WDR64: variants seen among roughly 807,000 people sequenced by gnomAD.
WDR64 encodes the protein WD repeat-containing protein 64.
WDR64 carries 112 observed loss-of-function variants against 139.3 expected under a neutral mutation model. The observed-to-expected ratio is 0.80, with a 90% CI of 0.69 to 0.94. The LOEUF (loss-of-function observed/expected upper bound fraction) is 0.94. Among genes scored for constraint, WDR64 ranks in the 40% least tolerant of loss-of-function variants. The pLI, the probability that WDR64 is intolerant of heterozygous loss-of-function variation, is 0.00. For missense variants in WDR64, 1,206 were observed against 1,293.1 expected (o/e 0.93, Z 1.03); for synonymous variants, 444 against 437.7 (o/e 1.01, Z -0.18).
chr1:241,799,724 TAATTC>T (rs889623017), intron 27 of WDR64, among the ~76,000 whole-genome samples: 3 of 152,142 alleles, frequency 2.0e-5, no homozygotes, highest in Non-Finnish European at 4.4e-5. Context: ...CAATGCGGTA[TAATTC>T]AGTGATGGGT....
chr1:241,653,543 C>CTTTTTTTTTTTT (rs33934176), intron 1 of WDR64, among the ~76,000 whole-genome samples: 1 of 137,114 alleles, frequency 7.3e-6, no homozygotes, highest in Admixed American at 7.4e-5. Context: ...CTTTTCTTTT[C>CTTTTTTTTTTTT]TTTTTTTTTT....
Position 241,787,858 on chromosome 1 carries a change from T to G in WDR64, c.2715T>G (p.His905Gln), listed in dbSNP as rs1280597307. Residue 905 changes from histidine to glutamine, a missense_variant, in exon 24 of 28, where the codon CAT becomes CAG. Physicochemically the swap from His to Gln is conservative, Grantham distance 24. Transcript: ENST00000437684. ...CTTTTCCTTCCCTCAGGCTCTGGCA[T>G]GCCCTCAATGGACATTATTGTGGAT... is the stretch of plus-strand genomic sequence containing the variant. ...ASIDGSVRLWHALNGHYCGYF... is the reference protein window; with the variant it reads ...ASIDGSVRLWQALNGHYCGYF... 2 of 1,580,964 alleles carry G rather than the reference T, an allele frequency of 1.3e-6. No individual in the cohort carries two copies. The highest frequency in any genetic ancestry group is 4.5e-5 in the East Asian group (2 of 43,966).
intron 8 of WDR64, among the ~76,000 whole-genome samples, chr1:241,707,035 A>T (rs1396198575): frequency 6.6e-6 from 1 of 151,718 alleles, no homozygotes; most frequent in Non-Finnish European, 1.5e-5. Context: ...CCCCCTTTTC[A>T]CAGGCATGCA....
Position 241,652,840 on chromosome 1 carries a change from T to TGTTTTG in WDR64, c.145+211_145+212insGTTTTG, listed in dbSNP as rs1028167506. Reference sequence around the variant, plus strand: ...TTTGTTTTGTTTTTGTTTTTGTTTTTTTTTTTTACTTCTCTGAACCGAAGT... The same window carrying TGTTTTG: ...TTTGTTTTGTTTTTGTTTTTGTTTTTGTTTTGTTTTTTTACTTCTCTGAACCGAAGT... On this transcript the variant is annotated intron_variant, in intron 1 of 27. Coordinates refer to ENST00000437684, the MANE Select transcript of WDR64 (RefSeq NM_001367482.1). 2.6e-5 allele frequency among the ~76,000 whole-genome samples: 4 copies of TGTTTTG among 152,110 alleles called. 1 individual carries two copies. The highest frequency in any genetic ancestry group is 9.7e-5 in the African/African-American group (4 of 41,356).
intron 3 of WDR64, 113 bp downstream of exon 3, chr1:241,671,289 C>CCTG: frequency 1.3e-6 from 1 of 747,900 alleles, no homozygotes; most frequent in South Asian, 2.0e-5. Context: ...TTGTTCAATA[C>CCTG]TTTATCACTA....
At chr1:241,665,798 C>G (rs890890948) in intron 2 of WDR64, among the ~76,000 whole-genome samples, 1 of 152,138 alleles carries the variant, frequency 6.6e-6, no homozygotes, top group African/African-American at 2.4e-5. Context: ...AACTTATAAA[C>G]ACATTTTTTT....
intron 4 of WDR64, chr1:241,677,236 A>C (rs1209967899): frequency 2.5e-6 from 1 of 397,574 alleles, no homozygotes; most frequent in East Asian, 3.6e-5. Context: ...TAAACAGGTG[A>C]CTTCCATTAA....
intron 8 of WDR64, among the ~76,000 whole-genome samples, chr1:241,690,940 A>T (rs1667237894): frequency 6.6e-6 from 1 of 152,198 alleles, no homozygotes; most frequent in African/African-American, 2.4e-5. Context: ...ATACACATAT[A>T]AACATATATG....
At chr1:241,679,831 G>A (rs1261785202) in intron 6 of WDR64, among the ~76,000 whole-genome samples, 2 of 151,922 alleles carry the variant, frequency 1.3e-5, no homozygotes, top group Non-Finnish European at 2.9e-5. Context: ...TGAGAGAGGG[G>A]GTAATTCCTT....
chr1:241,787,274 G>A (rs1248291994), intron 23 of WDR64, among the ~76,000 whole-genome samples: 2 of 148,408 alleles, frequency 1.3e-5, no homozygotes, highest in African/African-American at 5.0e-5. Context: ...TGAGGCAGGA[G>A]AATGGCATGA....
At position 241,770,764 on chromosome 1, in the gene WDR64, A is replaced by C. The variant is rs756777690; in HGVS notation, c.2253+74A>C. 1,146 of 1,336,202 alleles carry C rather than the reference A, an allele frequency of 8.6e-4. 3 individuals carry two copies. Among genetic ancestry groups the C allele is most frequent in the Non-Finnish European group, 1.1e-3 (1,066 of 971,734 alleles). The allele number at this position is 1,336,202 out of a possible 1,614,324, so 82.8% of individuals were successfully genotyped here. A position where few individuals can be genotyped will look rare whatever the true frequency, so the allele number is the denominator to read the frequency against. ...GTTCAAAAATAGTGCTATTGAGCAC[A>C]TTTGAGCCCCTCCTTTGATAGAAGG... On this transcript the variant is annotated intron_variant, in intron 18 of 27. Transcript: ENST00000437684.
intron 15 of WDR64, among the ~76,000 whole-genome samples, chr1:241,762,421 G>T (rs1476921466): frequency 2.6e-5 from 4 of 152,168 alleles, no homozygotes; most frequent in Admixed American, 2.6e-4. Context: ...GCAGGCGCAT[G>T]TGTGCATGTC....
chr1:241,718,365 A>G (rs1668479933), intron 9 of WDR64, among the ~76,000 whole-genome samples: 1 of 152,190 alleles, frequency 6.6e-6, no homozygotes, highest in African/African-American at 2.4e-5. Context: ...GGAGAGTAAT[A>G]ACCAAACTAA....
chr1:241,792,094 C>CG (rs1659229570), intron 25 of WDR64, among the ~76,000 whole-genome samples: 1 of 152,136 alleles, frequency 6.6e-6, no homozygotes, highest in Non-Finnish European at 1.5e-5. Context: ...TACAGTTACC[C>CG]CACCCTCTAC....
chr1:241,698,914 G>C (rs1667597930), intron 8 of WDR64, among the ~76,000 whole-genome samples: 1 of 152,196 alleles, frequency 6.6e-6, no homozygotes, highest in African/African-American at 2.4e-5. Flanking sequence ...GCTGCAAAGG[G>C]TTCAGGAAAC....
At chr1:241,788,727 T>C (rs1659127333) in intron 24 of WDR64, among the ~76,000 whole-genome samples, 1 of 152,170 alleles carries the variant, frequency 6.6e-6, no homozygotes, top group East Asian at 1.9e-4. Flanking sequence ...AGGATTTGGA[T>C]CAAAGCAGGA....
At chr1:241,779,445 C>T (rs1573127) in intron 21 of WDR64, among the ~76,000 whole-genome samples, 142,610 of 152,268 alleles carry the variant, frequency 0.94, 67,462 homozygotes, top group East Asian at 1. Flanking sequence ...TTCATTTCCA[C>T]TACCCTGATC....
At chr1:241,750,730 G>C (rs1242257481) in intron 14 of WDR64, among the ~76,000 whole-genome samples, 2 of 152,116 alleles carry the variant, frequency 1.3e-5, no homozygotes, top group Non-Finnish European at 2.9e-5. Flanking sequence ...TGATTATTCT[G>C]GTTCTGCATT....
intron 2 of WDR64, among the ~76,000 whole-genome samples, chr1:241,661,536 G>A (rs2148057099): frequency 6.6e-6 from 1 of 152,218 alleles, no homozygotes; most frequent in East Asian, 1.9e-4. Context: ...AGGAAAAGCT[G>A]AAAAGCTATC....
Sources: gnomAD v4.1 joint callset for allele counts (sites outside exome capture counted in the v4.1 genomes callset) on GRCh38, gnomAD v4.1.1 for gene constraint, MANE v1.5 for transcripts, NCBI Gene and HGNC (gene_info 2026-07-23, HGNC 2026-07-21) for gene names.